The following CYC1 variants were observed in gnomAD, a reference collection of about 807,000 sequenced individuals.
The protein encoded by CYC1 is cytochrome c1.
CYC1 carries 10 observed loss-of-function variants against 33.8 expected under a neutral mutation model. The ratio of observed to expected loss-of-function variants is 0.30; its 90% CI spans 0.18 to 0.50. CYC1 has a LOEUF of 0.50. CYC1 is among the 20% of genes least tolerant of loss of function. The probability of loss-of-function intolerance (pLI) is 0.98; values close to 1 mark genes in which losing one functional copy is unlikely to be tolerated. For synonymous variants in CYC1, 224 were observed against 181.9 expected (o/e 1.23, Z -1.86); for missense variants, 459 against 437.6 (o/e 1.05, Z -0.44).
Position 144,095,954 on chromosome 8 carries a change from C to T in CYC1, c.251C>T (p.Ala84Val), listed in dbSNP as rs1468036421. 7 of 1,608,342 alleles carry T rather than the reference C, an allele frequency of 4.4e-6. No homozygotes were observed. In the East Asian group the frequency reaches 1.6e-4, roughly 36 times the overall value. ...ATGGCTCTGCATTCGGCTGTGAGTG[C>T]CAGTGACCTGGAGCTGCACCCCCCC... ...LAMALHSAVS[A>V]SDLELHPPSY... The change falls in exon 2 of 7, where the codon GCC becomes GTC. Residue 84 changes from alanine to valine, a missense_variant. Transcript: ENST00000318911.
rs1461393023 is a variant in CYC1, at chr8:144,096,033, T to C, written c.326+4T>C. 2 of 1,600,476 alleles carry C rather than the reference T, an allele frequency of 1.2e-6. No individual in the cohort carries two copies. The highest frequency in any genetic ancestry group is 1.7e-6 in the Non-Finnish European group (2 of 1,174,976). On this transcript the variant is annotated splice_donor_region_variant and intron_variant, in intron 2 of 6. Coordinates refer to ENST00000318911, the MANE Select transcript of CYC1 (RefSeq NM_001916.5). ...TCTCTTCCTTGGACCACACCAGGTG[T>C]GCAGCTGGCTGGCTGGCTGGCAGCG...
At position 144,096,641 on chromosome 8, in the gene CYC1, C is replaced by G. The variant is rs143508925; in HGVS notation, c.669C>G (p.Thr223=). 12 of 1,613,892 alleles carry G rather than the reference C, an allele frequency of 7.4e-6. No individual in the cohort carries two copies. The African/African-American group carries it at 1.1e-4, about 14-fold the overall frequency. Residue 223 remains threonine, a synonymous_variant, in exon 5 of 7, where the codon ACC becomes ACG. Coordinates refer to ENST00000318911, the MANE Select transcript of CYC1 (RefSeq NM_001916.5). ...TCACGGGCTACTGCGAGCCACCCACCGGGGTGTCACTGCGGGAAGGTCTCT... is the reference window on the plus strand; with the variant it reads ...TCACGGGCTACTGCGAGCCACCCACGGGGGTGTCACTGCGGGAAGGTCTCT... The part of the protein sequence containing the change: ...SLLTGYCEPP[T]GVSLREGLYF...
Position 144,096,485 on chromosome 8 carries a change from T to G in CYC1, c.602T>G (p.Val201Gly). 1 of 1,614,068 alleles carries G rather than the reference T, an allele frequency of 6.2e-7. No homozygotes were observed. The change falls in exon 4 of 7, where the codon GTG becomes GGG. Residue 201 changes from valine to glycine, a missense_variant. Transcript: ENST00000318911. ...GALPPDLSYI[V>G]RARHGGEDYV... is the part of the protein sequence containing the mutation. Reference sequence around the variant, plus strand: ...TTGCCCCCTGACCTCAGCTACATCGTGCGAGCTAGGTACACGGGCTGCCCA... The same window carrying G: ...TTGCCCCCTGACCTCAGCTACATCGGGCGAGCTAGGTACACGGGCTGCCCA...
rs1836187127 is a variant in CYC1 at position 144,097,371 on chromosome 8, C to G, written c.*35C>G. 6.3e-7 allele frequency: 1 copy of G among 1,583,598 alleles called. No individual in the cohort carries two copies. Among genetic ancestry groups the G allele is most frequent in the Non-Finnish European group, 8.7e-7 (1 of 1,154,354 alleles). ...GTGTCTGCTTGCCATCCTGCCAGAA[C>G]AGGCCCTCAAGCCCAAGAGCCATCC... On this transcript the variant is annotated 3_prime_UTR_variant, in exon 7 of 7. Coordinates refer to ENST00000318911, the MANE Select transcript of CYC1 (RefSeq NM_001916.5).
At chr8:144,095,692 T>TGGGGTGGGTAGTGGGAC in intron 1 of CYC1, 141 bp from the exon 2 acceptor site, 1 of 806,526 alleles carries the variant, frequency 1.2e-6, no homozygotes, top group Admixed American at 2.5e-5. Flanking sequence ...CGGAGAGGGA[T>TGGGGTGGGTAGTGGGAC]GGGGTGGGTA....
At position 144,096,652 on chromosome 8, in the gene CYC1, T is replaced by C. The variant is rs1206143030; in HGVS notation, c.680T>C (p.Leu227Pro). The C allele has an allele frequency of 1.9e-6, 3 of 1,614,016 alleles. No individual in the cohort carries two copies. Among genetic ancestry groups the C allele is most frequent in the African/African-American group, 2.7e-5 (2 of 75,024 alleles). The part of the protein sequence containing the change: ...GYCEPPTGVS[L>P]REGLYFNPYF... ...TGCGAGCCACCCACCGGGGTGTCAC[T>C]GCGGGAAGGTCTCTACTTCAACCCC... Residue 227 changes from leucine (L) to proline (P), a missense_variant, in exon 5 of 7, where the codon CTG becomes CCG. Physicochemically the swap from Leu to Pro is moderately conservative, Grantham distance 98 (BLOSUM62 -3). Coordinates refer to ENST00000318911, the MANE Select transcript of CYC1 (RefSeq NM_001916.5).
chr8:144,095,613 G>T, intron 1 of CYC1: 1 of 592,690 alleles, frequency 1.7e-6, no homozygotes, highest in South Asian at 2.2e-5. Flanking sequence ...GGTCACTTCG[G>T]TCTGATCCCC....
chr8:144,097,017 T>G lies in CYC1; in HGVS notation c.773-17T>G. ...ACATGAGCCTGAGAATAGCCCTCAC[T>G]GCTTGTCGTTGGCCAGGCACCCCAG... is the stretch of plus-strand genomic sequence containing the variant. On this transcript the variant is annotated splice_polypyrimidine_tract_variant and intron_variant, in intron 5 of 6. Transcript: ENST00000318911. The G allele has an allele frequency of 6.3e-7, 1 of 1,589,820 alleles. No individual in the cohort carries two copies. Among genetic ancestry groups the G allele is most frequent in the Non-Finnish European group, 8.6e-7 (1 of 1,165,174 alleles).
In CYC1 at chr8:144,096,361, G is replaced by A. The variant is rs1836153241; in HGVS notation, c.478G>A (p.Glu160Lys). 6.2e-7 allele frequency: 1 copy of A among 1,614,064 alleles called. No homozygotes were observed. Among genetic ancestry groups the A allele is most frequent in the Admixed American group, 1.7e-5 (1 of 60,012 alleles). The stretch of plus-strand genomic sequence containing the variant: ...GGTGGAGGTTCAAGACGGCCCCAAT[G>A]AAGATGGGGAGATGTTCATGCGGCC... ...AEVEVQDGPN[E>K]DGEMFMRPGK... Residue 160 changes from glutamate to lysine, a missense_variant, in exon 4 of 7, where the codon GAA becomes AAA. By Grantham distance (56) the Glu-to-Lys change is moderately conservative. Transcript: ENST00000318911.
At position 144,095,498 on chromosome 8, in the gene CYC1, A is replaced by C. The variant is rs1010870322; in HGVS notation, c.129+270A>C. 1.1e-5 allele frequency: 5 copies of C among 446,778 alleles called. No individual in the cohort carries two copies. In the Admixed American group the frequency reaches 2.1e-4, roughly 19 times the overall value. 27.7% of individuals were successfully genotyped at this position (446,778 alleles called of 1,614,324 possible). On this transcript the variant is annotated intron_variant, in intron 1 of 6. Coordinates refer to ENST00000318911, the MANE Select transcript of CYC1 (RefSeq NM_001916.5). ...TGGGGCTTTCCCGAATGGCGCGCCC[A>C]GGACGGCTCTTGCGGCTGGCTGTCC...
chr8:144,096,256 G>A lies in CYC1; in HGVS notation c.453+6G>A. 6.2e-7 allele frequency: 1 copy of A among 1,613,866 alleles called. No homozygotes were observed. Among genetic ancestry groups the A allele is most frequent in the Non-Finnish European group, 8.5e-7 (1 of 1,179,824 alleles). ...CTAAGGAGCTGGCTGCGGAGGTGTG[G>A]GGTCTGGGGATGCCTGGGACCCAGG... On this transcript the variant is annotated splice_donor_region_variant and intron_variant, in intron 3 of 6. Coordinates refer to ENST00000318911, the MANE Select transcript of CYC1 (RefSeq NM_001916.5).
chr8:144,095,471 G>A, intron 1 of CYC1: 1 of 440,282 alleles, frequency 2.3e-6, no homozygotes, highest in East Asian at 4.0e-5. Flanking sequence ...CCGTGGCGGG[G>A]CTGGGGCTTT....
intron 5 of CYC1, 114 bp from the exon 6 acceptor site, chr8:144,096,920 G>A: frequency 8.6e-7 from 1 of 1,167,796 alleles, no homozygotes; most frequent in Middle Eastern, 2.1e-4. Context: ...TCCGGTGGAG[G>A]GTACTGCCCC....
Position 144,096,120 on chromosome 8 carries a change from C to G in CYC1, c.327-4C>G, listed in dbSNP as rs371892448. ...AGCTTTCCTAACCCTTTCCCTCCCT[C>G]CAGCATCCGGAGGGGTTTCCAGGTA... On this transcript the variant is annotated splice_region_variant and splice_polypyrimidine_tract_variant and intron_variant, in intron 2 of 6. Transcript: ENST00000318911. The G allele has an allele frequency of 3.7e-6, 6 of 1,612,090 alleles. No homozygotes were observed. In the African/African-American group the frequency reaches 8.0e-5, roughly 22 times the overall value.
rs145609083 is a variant in CYC1 at position 144,096,026 on chromosome 8, C to A, written c.323C>A (p.Thr108Asn). ...HRGLLSSLDH[T>N]SIRRGFQVYK... ...GGCCTCCTCTCTTCCTTGGACCACA[C>A]CAGGTGTGCAGCTGGCTGGCTGGCT... The change falls in exon 2 of 7, where the codon ACC becomes AAC. Residue 108 changes from threonine to asparagine, a missense_variant. Coordinates refer to ENST00000318911, the MANE Select transcript of CYC1 (RefSeq NM_001916.5). 1.0e-4 allele frequency: 160 copies of A among 1,602,286 alleles called. 1 individual carries two copies. In the African/African-American group the frequency reaches 1.6e-3, roughly 16 times the overall value.
Position 144,095,890 on chromosome 8 carries a change from G to C in CYC1, c.187G>C (p.Ala63Pro), listed in dbSNP as rs1474683287. ...LSRGRKVMLSALGMLAAGGAG... is the reference protein window; with the variant it reads ...LSRGRKVMLSPLGMLAAGGAG... ...CCGAGGCCGGAAAGTGATGCTGTCA[G>C]CGCTGGGCATGCTGGCGGCAGGGGG... is the stretch of plus-strand genomic sequence containing the variant. The change falls in exon 2 of 7, where the codon GCG becomes CCG. Residue 63 changes from alanine to proline, a missense_variant. Coordinates refer to ENST00000318911, the MANE Select transcript of CYC1 (RefSeq NM_001916.5). The C allele has an allele frequency of 6.2e-7, 1 of 1,609,560 alleles. No individual in the cohort carries two copies. Among genetic ancestry groups the C allele is most frequent in the Admixed American group, 1.7e-5 (1 of 59,914 alleles).
Position 144,095,900 on chromosome 8 carries a change from T to C in CYC1, c.197T>C (p.Met66Thr). The change falls in exon 2 of 7, where the codon ATG (methionine) becomes ACG (threonine). Residue 66 changes from methionine to threonine, a missense_variant. By Grantham distance (81) the Met-to-Thr change is moderately conservative (BLOSUM62 -1). Coordinates refer to ENST00000318911, the MANE Select transcript of CYC1 (RefSeq NM_001916.5). ...AAAGTGATGCTGTCAGCGCTGGGCATGCTGGCGGCAGGGGGTGCGGGGCTG... is the reference window on the plus strand; with the variant it reads ...AAAGTGATGCTGTCAGCGCTGGGCACGCTGGCGGCAGGGGGTGCGGGGCTG... ...GRKVMLSALG[M>T]LAAGGAGLAM... 6 of 1,609,614 alleles carry C rather than the reference T, an allele frequency of 3.7e-6. No homozygotes were observed. The highest frequency in any genetic ancestry group is 5.1e-6 in the Non-Finnish European group (6 of 1,179,878).
chr8:144,097,181 G>A, intron 6 of CYC1, 47 bp downstream of exon 6: 1 of 1,610,230 alleles, frequency 6.2e-7, no homozygotes, highest in South Asian at 1.1e-5. Context: ...AGGGCTGGGA[G>A]CTGGGCAGGG....
At position 144,095,834 on chromosome 8, in the gene CYC1, C is replaced by T. The variant is rs747902761; in HGVS notation, c.131C>T (p.Ala44Val). Residue 44 changes from alanine to valine, a missense_variant and splice_region_variant, in exon 2 of 7, where the codon GCA (alanine) becomes GTA (valine). Coordinates refer to ENST00000318911, the MANE Select transcript of CYC1 (RefSeq NM_001916.5). Reference protein sequence around the residue: ...PGQLPLRTPQAVALSSKSGLS... With the variant: ...PGQLPLRTPQVVALSSKSGLS... The stretch of plus-strand genomic sequence containing the variant: ...AGGCGCTGAGCGGAGATCTTGCAGG[C>T]AGTGGCCTTGTCGTCGAAGTCTGGC... 3.7e-6 allele frequency: 6 copies of T among 1,605,908 alleles called. No homozygotes were observed. Among genetic ancestry groups the T allele is most frequent in the Non-Finnish European group, 4.2e-6 (5 of 1,179,370 alleles).
Sources: gnomAD v4.1 joint callset for allele counts on GRCh38, gnomAD v4.1.1 for gene constraint, MANE v1.5 for transcripts, NCBI Gene and HGNC (gene_info 2026-07-23, HGNC 2026-07-21) for gene names.